The following PRDM1 variants were observed in gnomAD, a reference collection of about 807,000 sequenced individuals.
PRDM1 encodes the protein PR domain zinc finger protein 1.
PRDM1 carries 13 observed loss-of-function variants against 62.8 expected under a neutral mutation model. That is an observed-to-expected ratio of 0.21 (90% CI 0.13 to 0.33). The LOEUF (loss-of-function observed/expected upper bound fraction) is 0.33, where lower values mean the gene tolerates loss of function less well. PRDM1 is among the 10% of genes least tolerant of loss of function. PRDM1 has a pLI of 1.00. For synonymous variants in PRDM1, 396 were observed against 417.6 expected (o/e 0.95, Z 0.63); for missense variants, 895 against 1,058.8 (o/e 0.85, Z 2.15).
chr6:106,029,996 A>G (rs143315711), intron 1 of PRDM1, among the ~76,000 whole-genome samples: 205 of 152,288 alleles, frequency 1.3e-3, no homozygotes, highest in African/African-American at 4.8e-3. Context: ...GCCATTGTAT[A>G]TCTTCTTTGA....
rs986660191 is a variant in PRDM1 at position 106,024,702 on chromosome 6, C to T, written c.-67+31063C>T. 7.2e-5 allele frequency among the ~76,000 whole-genome samples: 11 copies of T among 152,234 alleles called. No homozygotes were observed. The Middle Eastern group carries it at 0.01, about 141-fold the overall frequency. The stretch of plus-strand genomic sequence containing the variant: ...CAGGCCAGGAGAGGACAAACAAAGG[C>T]ACTGGTTTTTCTGGTGGCTTTTAAC... On this transcript the variant is annotated intron_variant, in intron 1 of 6. Transcript: ENST00000652320.
intron 1 of PRDM1, among the ~76,000 whole-genome samples, chr6:106,035,803 A>G (rs891341541): frequency 6.6e-6 from 1 of 151,768 alleles, no homozygotes; most frequent in Non-Finnish European, 1.5e-5. Flanking sequence ...GTCATGGGTC[A>G]TGTTTTCTAA....
At chr6:106,086,172 T>C (rs977626194), upstream of PRDM1, 3 of 287,782 alleles carry the variant, frequency 1.0e-5, no homozygotes, top group East Asian at 5.3e-5. Flanking sequence ...CAAGTCAATG[T>C]TGAAATACAC....
At chr6:106,070,214 G>A (rs1315074532) in intron 1 of PRDM1, among the ~76,000 whole-genome samples, 1 of 152,190 alleles carries the variant, frequency 6.6e-6, no homozygotes, top group Non-Finnish European at 1.5e-5. Context: ...TAGAGGAATA[G>A]AATTTGGAAT....
At chr6:105,995,999 C>T (rs1249298327) in intron 1 of PRDM1, among the ~76,000 whole-genome samples, 1 of 152,226 alleles carries the variant, frequency 6.6e-6, no homozygotes, top group Non-Finnish European at 1.5e-5. Flanking sequence ...ACCCTTCTCT[C>T]TCACTCCAAA....
At chr6:106,044,194 C>CTTTT (rs559769433), upstream of PRDM1, among the ~76,000 whole-genome samples, 1 of 128,110 alleles carries the variant, frequency 7.8e-6, no homozygotes, top group Non-Finnish European at 1.7e-5. Context: ...TTTTTTCTTT[C>CTTTT]TTTTTTTTTT....
In PRDM1 at chr6:106,095,933, A is replaced by T. The variant is rs1582467988; in HGVS notation, c.411+199A>T. 32 of 582,428 alleles carry T rather than the reference A, an allele frequency of 5.5e-5. No homozygotes were observed. The East Asian group carries it at 9.4e-4, about 17-fold the overall frequency. 36.1% of individuals were successfully genotyped at this position (582,428 alleles called of 1,614,324 possible). On this transcript the variant is annotated intron_variant, in intron 3 of 6. Transcript: ENST00000369096. ...ATGTCTGGCCTGTAGGTGGTTAGTG[A>T]TGGAGATACGGGCTATATGTGAATC...
At chr6:105,993,247 C>T (rs1276257351), upstream of PRDM1, among the ~76,000 whole-genome samples, 1 of 152,204 alleles carries the variant, frequency 6.6e-6, no homozygotes, top group African/African-American at 2.4e-5. Context: ...GGTTCTCTTA[C>T]AAAGACTTCA....
chr6:106,028,918 CTTTTTTTTTTTTT>C (rs756143283), intron 1 of PRDM1, among the ~76,000 whole-genome samples: 5 of 124,298 alleles, frequency 4.0e-5, no homozygotes, highest in Non-Finnish European at 6.7e-5. Flanking sequence ...TTCTTTCCTT[CTTTTTTTTTTTTT>C]TTTTTTTTGA....
chr6:106,103,392 T>G (rs1774333609), intron 4 of PRDM1, among the ~76,000 whole-genome samples: 1 of 152,148 alleles, frequency 6.6e-6, no homozygotes, highest in African/African-American at 2.4e-5. Flanking sequence ...AGAGACATTT[T>G]TTAGACGATG....
chr6:106,066,357 G>A (rs1160707253), intron 1 of PRDM1, among the ~76,000 whole-genome samples: 2 of 152,050 alleles, frequency 1.3e-5, no homozygotes, highest in Admixed American at 6.6e-5. Context: ...AGGAGGGCTC[G>A]GTCACGTCAG....
At chr6:106,000,254 A>C (rs977630326) in intron 1 of PRDM1, among the ~76,000 whole-genome samples, 2 of 152,208 alleles carry the variant, frequency 1.3e-5, no homozygotes, top group Admixed American at 1.3e-4. Context: ...GACATTTCAA[A>C]GCTATCTTTA....
At chr6:106,073,409 C>T (rs919650408) in intron 1 of PRDM1, among the ~76,000 whole-genome samples, 2 of 152,138 alleles carry the variant, frequency 1.3e-5, no homozygotes, top group Non-Finnish European at 2.9e-5. Flanking sequence ...GCCACAGCAC[C>T]CGGCCTCAAT....
At position 106,105,279 on chromosome 6, in the gene PRDM1, C is replaced by T. The variant is rs376590290; in HGVS notation, c.1119C>T (p.Ser373=). ...VGPGSQEHRD[S]YAYLNASYGT... is the part of the protein sequence containing the mutation. ...CCGGCTCTCAAGAGCACCGGGACTCCTACGCTTACTTGAACGCGTCCTACG... is the reference window on the plus strand; with the variant it reads ...CCGGCTCTCAAGAGCACCGGGACTCTTACGCTTACTTGAACGCGTCCTACG... The change falls in exon 5 of 7, where the codon TCC becomes TCT. Residue 373 remains serine, a synonymous_variant. Coordinates refer to ENST00000369096, the MANE Select transcript of PRDM1 (RefSeq NM_001198.4). 73 of 1,613,692 alleles carry T rather than the reference C, an allele frequency of 4.5e-5. No homozygotes were observed. The highest frequency in any genetic ancestry group is 6.7e-5 in the Admixed American group (4 of 59,980).
intron 1 of PRDM1, among the ~76,000 whole-genome samples, chr6:106,037,265 T>A (rs1772935104): frequency 6.6e-6 from 1 of 152,238 alleles, no homozygotes; most frequent in Admixed American, 6.5e-5. Context: ...AGAAATCAGT[T>A]GATGATCTCA....
intron 1 of PRDM1, among the ~76,000 whole-genome samples, chr6:106,009,010 G>A (rs576081607): frequency 3.3e-5 from 5 of 152,250 alleles, no homozygotes; most frequent in Non-Finnish European, 7.4e-5. Context: ...TAAGACCCCA[G>A]CAACTGAACA....
At chr6:106,063,119 C>T (rs1773373089) in intron 1 of PRDM1, among the ~76,000 whole-genome samples, 1 of 152,116 alleles carries the variant, frequency 6.6e-6, no homozygotes, top group African/African-American at 2.4e-5. Context: ...TCAGGTCACG[C>T]GAAGGTCAAT....
intron 4 of PRDM1, 104 bp from the exon 5 acceptor site, chr6:106,104,721 G>A (rs1774391016): frequency 2.9e-6 from 4 of 1,378,880 alleles, no homozygotes; most frequent in East Asian, 2.3e-5. Context: ...CGATTGTGTC[G>A]CCAGCTGTTA....
intron 1 of PRDM1, among the ~76,000 whole-genome samples, chr6:106,060,570 A>G (rs992582088): frequency 3.9e-5 from 6 of 152,176 alleles, no homozygotes; most frequent in African/African-American, 1.4e-4. Context: ...GGAAGGATGG[A>G]TCATAGACTT....
Sources: gnomAD v4.1 joint callset for allele counts (sites outside exome capture counted in the v4.1 genomes callset) on GRCh38, gnomAD v4.1.1 for gene constraint, MANE v1.5 for transcripts, NCBI Gene and HGNC (gene_info 2026-07-23, HGNC 2026-07-21) for gene names.